SLC29A4: variants seen among roughly 807,000 people sequenced by gnomAD.
SLC29A4 encodes solute carrier family 29 member 4.
A neutral mutation model predicts 43.9 loss-of-function variants in SLC29A4; 36 were observed. The ratio of observed to expected loss-of-function variants is 0.82; its 90% confidence interval spans 0.63 to 1.08. SLC29A4 has a LOEUF of 1.08. SLC29A4 is among the 50% of genes least tolerant of loss of function. The probability of loss-of-function intolerance (pLI) is 0.00; values close to 1 mark genes in which losing one functional copy is unlikely to be tolerated. For missense variants in SLC29A4, 869 were observed against 755.3 expected, an observed-to-expected ratio of 1.15 and a Z score of -1.77; for synonymous variants, 491 against 338.0, an observed-to-expected ratio of 1.45 and a Z score of -4.97.
intron 9 of SLC29A4, 120 bp from the exon 10 acceptor site, chr7:5,300,302 G>A: frequency 1.4e-6 from 2 of 1,470,192 alleles, no homozygotes; most frequent in Non-Finnish European, 1.8e-6. Context: ...CAGGGGTGCA[G>A]GCTGAGCTGG....
At chr7:5,289,791 A>G (rs1249024785) in intron 2 of SLC29A4, among the ~76,000 whole-genome samples, 1 of 152,142 alleles carries the variant, frequency 6.6e-6, no homozygotes, top group Non-Finnish European at 1.5e-5. Context: ...GCCACCGAGC[A>G]TGATACAAGA....
intron 4 of SLC29A4, 90 bp downstream of exon 4, chr7:5,291,327 C>T (rs1421463550): frequency 3.3e-6 from 4 of 1,223,350 alleles, no homozygotes; most frequent in African/African-American, 3.0e-5. Context: ...CTGAGCCTCA[C>T]TCCCCTCGTC....
rs986500082 is a variant in SLC29A4 at position 5,290,803 on chromosome 7, T to G, written c.241T>G (p.Phe81Val). Reference sequence around the variant, plus strand: ...TGCGATGCTGCTGGCTGGCGTGGGCTTCCTGCTGCCATACAACAGCTTCAT... The same window carrying G: ...TGCGATGCTGCTGGCTGGCGTGGGCGTCCTGCTGCCATACAACAGCTTCAT... ...YFAMLLAGVG[F>V]LLPYNSFITD... Residue 81 changes from phenylalanine to valine, a missense_variant, in exon 3 of 11, where the codon TTC (phenylalanine) becomes GTC (valine). Phe to Val is a conservative substitution (Grantham distance 50). Coordinates refer to ENST00000396872, the MANE Select transcript of SLC29A4 (RefSeq NM_153247.4). The G allele has an allele frequency of 6.2e-7, 1 of 1,614,070 alleles. No individual in the cohort carries two copies. The highest frequency in any genetic ancestry group is 8.5e-7 in the Non-Finnish European group (1 of 1,179,972).
chr7:5,297,239 C>G (rs1583670864), intron 7 of SLC29A4, 41 bp downstream of exon 7: 1 of 1,488,772 alleles, frequency 6.7e-7, no homozygotes, highest in Non-Finnish European at 8.9e-7. Context: ...TCTCTGTCCC[C>G]TTCTCTGTCC....
rs1394540367 is a variant in SLC29A4, at chr7:5,305,297, G to C, written c.*2358G>C. ...GAGTGTTTCCCAGAGCCCATGCCGG[G>C]CCCTTCCCTTGCCCGAGGCCGGCTG... On this transcript the variant is annotated 3_prime_UTR_variant, in exon 11 of 11. Transcript: ENST00000396872. 1 of 152,306 alleles carries C rather than the reference G, an allele frequency of 6.6e-6. No individual in the cohort carries two copies. Among genetic ancestry groups the C allele is most frequent in the East Asian group, 1.9e-4 (1 of 5,198 alleles). 9.4% of individuals were successfully genotyped at this position (152,306 alleles called of 1,614,324 possible).
intron 1 of SLC29A4, among the ~76,000 whole-genome samples, 197 bp from the exon 2 acceptor site, chr7:5,287,612 G>A (rs1301677309): frequency 2.0e-5 from 3 of 152,122 alleles, no homozygotes; most frequent in African/African-American, 7.2e-5. Context: ...CTGAAAACCC[G>A]GGTCTTTGAA....
At chr7:5,297,986 A>C (rs1450469337) in intron 7 of SLC29A4, among the ~76,000 whole-genome samples, 6 of 152,138 alleles carry the variant, frequency 3.9e-5, no homozygotes, top group Admixed American at 2.6e-4. Context: ...AGCACTGCAC[A>C]GCCCCCCAGG....
At chr7:5,285,328 A>C (rs1187761478) in intron 1 of SLC29A4, among the ~76,000 whole-genome samples, 1 of 142,880 alleles carries the variant, frequency 7.0e-6, no homozygotes, top group Admixed American at 7.2e-5. Context: ...AGGGGCAGTC[A>C]GGGGAGCCTT....
In SLC29A4 at chr7:5,305,222, G is replaced by C. The variant is rs1216756933; in HGVS notation, c.*2283G>C. 1.3e-5 allele frequency: 2 copies of C among 152,354 alleles called. No individual in the cohort carries two copies. The highest frequency in any genetic ancestry group is 2.4e-5 in the African/African-American group (1 of 41,472). 9.4% of individuals were successfully genotyped at this position (152,354 alleles called of 1,614,324 possible). On this transcript the variant is annotated 3_prime_UTR_variant, in exon 11 of 11. Transcript: ENST00000396872. ...CTATGCTCTGGCAGGCATCCTCCCTGGGGCCCAGGTGGGCGGCCACTTGGG... is the reference window on the plus strand; with the variant it reads ...CTATGCTCTGGCAGGCATCCTCCCTCGGGCCCAGGTGGGCGGCCACTTGGG...
In SLC29A4 at chr7:5,303,827, G is replaced by A. The variant is rs531126700; in HGVS notation, c.*888G>A. ...CCTGGAACGTAGGGAGGGGCTGGGG[G>A]TCAGTCCAGCCCGGGCCTCCCAGAA... is the stretch of plus-strand genomic sequence containing the variant. On this transcript the variant is annotated 3_prime_UTR_variant, in exon 11 of 11. Transcript: ENST00000396872. The A allele has an allele frequency of 6.6e-6, 1 of 152,354 alleles. No homozygotes were observed. The highest frequency in any genetic ancestry group is 1.9e-4 in the East Asian group (1 of 5,164). 9.4% of individuals were successfully genotyped at this position (152,354 alleles called of 1,614,324 possible). A position where few individuals can be genotyped will look rare whatever the true frequency, so the allele number is the denominator to read the frequency against.
In SLC29A4 at chr7:5,299,424, C is replaced by T; in HGVS notation, c.1206C>T (p.Gly402=). The change falls in exon 9 of 11, where the codon GGC becomes GGT. Residue 402 remains glycine, a synonymous_variant. Transcript: ENST00000396872. ...MAVFNLSDFV[G]KILAALPVDW... is the part of the protein sequence containing the mutation. ...TGTTCAACCTGTCAGACTTCGTGGGCAAGGTGGGCTGCCTGCCCTGCCCGG... is the reference window on the plus strand; with the variant it reads ...TGTTCAACCTGTCAGACTTCGTGGGTAAGGTGGGCTGCCTGCCCTGCCCGG... 1.9e-6 allele frequency: 3 copies of T among 1,609,646 alleles called. No individual in the cohort carries two copies. The highest frequency in any genetic ancestry group is 2.5e-6 in the Non-Finnish European group (3 of 1,178,168).
At chr7:5,302,600 C>T (rs1359545687) in intron 10 of SLC29A4, among the ~76,000 whole-genome samples, 197 bp from the exon 11 acceptor site, 1 of 152,198 alleles carries the variant, frequency 6.6e-6, no homozygotes, top group Non-Finnish European at 1.5e-5. Flanking sequence ...GCCTGGAGTG[C>T]ATAGCAGATG....
chr7:5,296,163 C>T (rs1479304197), intron 6 of SLC29A4, among the ~76,000 whole-genome samples: 3 of 152,156 alleles, frequency 2.0e-5, no homozygotes, highest in Admixed American at 1.3e-4. Context: ...TCCTGCAGAC[C>T]TCCGCGTCAA....
At chr7:5,297,508 G>A (rs917525141) in intron 7 of SLC29A4, among the ~76,000 whole-genome samples, 13 of 152,232 alleles carry the variant, frequency 8.5e-5, no homozygotes, top group African/African-American at 3.1e-4. Context: ...CACTCCACAT[G>A]ATGTACACTA....
At position 5,297,128 on chromosome 7, in the gene SLC29A4, G is replaced by GCAGGC; in HGVS notation, c.819_823dup (p.Leu275GlnfsTer43). ...ACACGGCCGCGTGACAGCCACCGGG[G>GCAGGC]CAGGCCAGGCCTGGGCAGGGGCTAT... On this transcript the variant is annotated frameshift_variant, in exon 7 of 11. Transcript: ENST00000396872. LOFTEE classifies it high-confidence loss of function. 1 of 1,606,176 alleles carries GCAGGC rather than the reference G, an allele frequency of 6.2e-7. No homozygotes were observed.
At chr7:5,292,654 C>G (rs909230698) in intron 5 of SLC29A4, among the ~76,000 whole-genome samples, 6 of 138,776 alleles carry the variant, frequency 4.3e-5, no homozygotes, top group African/African-American at 2.7e-5. Context: ...ACTAATACTT[C>G]AGAGTGTATT....
At chr7:5,292,965 C>T (rs1306428271) in intron 5 of SLC29A4, among the ~76,000 whole-genome samples, 1 of 151,468 alleles carries the variant, frequency 6.6e-6, no homozygotes, top group African/African-American at 2.4e-5. Context: ...TCCCAAAGTG[C>T]TGGTATTACA....
intron 5 of SLC29A4, among the ~76,000 whole-genome samples, chr7:5,294,142 T>C (rs1449525063): frequency 6.6e-6 from 1 of 152,076 alleles, no homozygotes; most frequent in Non-Finnish European, 1.5e-5. Flanking sequence ...GATCTCACTT[T>C]GTAGTCCAGG....
intron 5 of SLC29A4, among the ~76,000 whole-genome samples, chr7:5,292,681 AT>A (rs1301091462): frequency 2.6e-4 from 20 of 76,974 alleles, no homozygotes; most frequent in Non-Finnish European, 4.7e-4. Context: ...CAGCCAAGAC[AT>A]TTTTTTCCTT....
Sources: allele counts gnomAD v4.1 joint callset (sites outside exome capture counted in the v4.1 genomes callset), GRCh38; gene constraint gnomAD v4.1.1; transcripts MANE v1.5; gene names NCBI Gene and HGNC (gene_info 2026-07-23, HGNC 2026-07-21).